The following MBD3L1 variants were observed in gnomAD, a reference collection of about 807,000 sequenced individuals.
MBD3L1 encodes the protein methyl-CpG binding domain protein 3 like 1.
For synonymous variants in MBD3L1, 84 were observed against 85.1 expected, an observed-to-expected ratio of 0.99 and a Z score of 0.07; for missense variants, 203 against 230.1, an observed-to-expected ratio of 0.88 and a Z score of 0.76.
chr19:8,838,517 T>G (rs2044478714), intron 1 of MBD3L1, among the ~76,000 whole-genome samples: 1 of 152,074 alleles, frequency 6.6e-6, no homozygotes, highest in South Asian at 2.1e-4. Flanking sequence ...TGGTGATAAC[T>G]CCTAGATAAG....
chr19:8,843,062 G>A lies in MBD3L1; in HGVS notation c.384G>A (p.Ala128=), dbSNP rs765959320. 5.6e-6 allele frequency: 9 copies of A among 1,613,966 alleles called. No homozygotes were observed. The highest frequency in any genetic ancestry group is 1.7e-5 in the Admixed American group (1 of 59,986). Residue 128 remains alanine (A), a synonymous_variant, in exon 3 of 3, where the codon GCG becomes GCA. Coordinates refer to ENST00000595891, the MANE Select transcript of MBD3L1 (RefSeq NM_001393532.1). ...CCCACCTTGCCTGCTCTTCAGATGCGGTGGAGATAATTCCTGCAGAGGGAG... is the reference window on the plus strand; with the variant it reads ...CCCACCTTGCCTGCTCTTCAGATGCAGTGGAGATAATTCCTGCAGAGGGAG... ...PMPHLACSSD[A]VEIIPAEGVG... is the part of the protein sequence containing the mutation.
intron 1 of MBD3L1, among the ~76,000 whole-genome samples, chr19:8,839,838 T>A (rs149000995): frequency 6.6e-6 from 1 of 152,086 alleles, no homozygotes; most frequent in East Asian, 1.9e-4. Context: ...GAGAGGAGTG[T>A]CTGTGTAGCT....
intron 1 of MBD3L1, among the ~76,000 whole-genome samples, chr19:8,835,197 G>C (rs1043832892): frequency 6.6e-6 from 1 of 152,012 alleles, no homozygotes; most frequent in Admixed American, 6.6e-5. Context: ...GACCACAGGC[G>C]TTCACCACCA....
chr19:8,843,139 T>C lies in MBD3L1; in HGVS notation c.461T>C (p.Ile154Thr), dbSNP rs771336992. The C allele has an allele frequency of 1.7e-5, 28 of 1,613,384 alleles. No individual in the cohort carries two copies. Among genetic ancestry groups the C allele is most frequent in the Non-Finnish European group, 2.0e-5 (24 of 1,179,860 alleles). The change falls in exon 3 of 3, where the codon ATC (isoleucine) becomes ACC (threonine). Residue 154 changes from isoleucine to threonine, a missense_variant. By Grantham distance (89) the Ile-to-Thr change is moderately conservative (BLOSUM62 -1). Transcript: ENST00000595891. ...CAATTTCTGGTTACTGAGGAAGATA[T>C]CAGGAAACAGGAAGGGAAAGTGAAG... is the stretch of plus-strand genomic sequence containing the variant. ...CKQFLVTEED[I>T]RKQEGKVKTV...
chr19:8,836,499 C>CT (rs899808976), intron 1 of MBD3L1, among the ~76,000 whole-genome samples: 42 of 138,666 alleles, frequency 3.0e-4, no homozygotes, highest in African/African-American at 9.5e-4. Flanking sequence ...CTTCTTTTTT[C>CT]TTTTTTTTTG....
At chr19:8,833,992 A>G (rs1438095007) in intron 1 of MBD3L1, among the ~76,000 whole-genome samples, 1 of 104,896 alleles carries the variant, frequency 9.5e-6, no homozygotes, top group Non-Finnish European at 2.4e-5. Context: ...CATCTCAAAA[A>G]ACAAAACAAA....
chr19:8,832,902 C>T (rs1483169262), intron 1 of MBD3L1, among the ~76,000 whole-genome samples: 1 of 151,042 alleles, frequency 6.6e-6, no homozygotes, highest in Non-Finnish European at 1.5e-5. Flanking sequence ...GGGGACTAGG[C>T]TGTGGGTGTA....
intron 1 of MBD3L1, among the ~76,000 whole-genome samples, chr19:8,837,725 T>G (rs1009218842): frequency 6.6e-6 from 1 of 152,222 alleles, no homozygotes; most frequent in African/African-American, 2.4e-5. Context: ...TATACTCTGA[T>G]AGTCACTTCC....
At position 8,842,886 on chromosome 19, in the gene MBD3L1, A is replaced by G. The variant is rs1387371143; in HGVS notation, c.208A>G (p.Arg70Gly). Reference protein sequence around the residue: ...EKPQQVCWQRRLQGLQAYSSA... With the variant: ...EKPQQVCWQRGLQGLQAYSSA... ...GCCTCAGCAGGTCTGCTGGCAGAGG[A>G]GACTGCAGGGACTCCAGGCTTACAG... Residue 70 changes from arginine to glycine, a missense_variant, in exon 3 of 3, where the codon AGA becomes GGA. Coordinates refer to ENST00000595891, the MANE Select transcript of MBD3L1 (RefSeq NM_001393532.1). 2 of 1,614,246 alleles carry G rather than the reference A, an allele frequency of 1.2e-6. No homozygotes were observed. Among genetic ancestry groups the G allele is most frequent in the Non-Finnish European group, 1.7e-6 (2 of 1,180,042 alleles).
intron 1 of MBD3L1, among the ~76,000 whole-genome samples, chr19:8,838,882 T>G (rs1274311203): frequency 1.3e-5 from 2 of 152,078 alleles, no homozygotes; most frequent in African/African-American, 4.8e-5. Flanking sequence ...GCAGATAAGG[T>G]CGTGTTCCTG....
intron 1 of MBD3L1, among the ~76,000 whole-genome samples, chr19:8,839,747 A>G (rs2044491680): frequency 1.3e-5 from 2 of 152,156 alleles, no homozygotes; most frequent in African/African-American, 4.8e-5. Flanking sequence ...ACATAGATGT[A>G]GATGATCTTT....
intron 1 of MBD3L1, among the ~76,000 whole-genome samples, chr19:8,838,679 G>T (rs1264051831): frequency 6.6e-6 from 1 of 152,184 alleles, no homozygotes; most frequent in African/African-American, 2.4e-5. Flanking sequence ...GCTGGGGCTG[G>T]CATTGTTGGT....
chr19:8,838,703 C>T (rs1665559066), intron 1 of MBD3L1, among the ~76,000 whole-genome samples: 2 of 152,086 alleles, frequency 1.3e-5, no homozygotes, highest in East Asian at 3.9e-4. Context: ...AAAATAATTT[C>T]CCAAGACAGT....
At chr19:8,837,705 G>A (rs2044468972) in intron 1 of MBD3L1, among the ~76,000 whole-genome samples, 1 of 152,158 alleles carries the variant, frequency 6.6e-6, no homozygotes, top group Non-Finnish European at 1.5e-5. Context: ...CCTGAGATCT[G>A]AGGATACTTT....
intron 1 of MBD3L1, among the ~76,000 whole-genome samples, chr19:8,835,433 G>A (rs1349964356): frequency 2.6e-5 from 4 of 152,016 alleles, no homozygotes; most frequent in African/African-American, 9.7e-5. Context: ...AAAGATGCTC[G>A]GCCCCATTAA....
At position 8,840,954 on chromosome 19, in the gene MBD3L1, A is replaced by G. The variant is rs952292026; in HGVS notation, c.-67A>G. The G allele has an allele frequency of 6.6e-6, 1 of 152,024 alleles. No homozygotes were observed. The highest frequency in any genetic ancestry group is 1.5e-5 in the Non-Finnish European group (1 of 68,014). 9.4% of individuals were successfully genotyped at this position (152,024 alleles called of 1,614,324 possible). ...TGGTAGCCATGGCGTCACAGAGAAC[A>G]GGGACCTTCCAAGTTTGAAGTTTTA... On this transcript the variant is annotated 5_prime_UTR_variant, in exon 2 of 3. Coordinates refer to ENST00000595891, the MANE Select transcript of MBD3L1 (RefSeq NM_001393532.1).
At chr19:8,832,747 G>A (rs1424504541) in intron 1 of MBD3L1, among the ~76,000 whole-genome samples, 2 of 152,004 alleles carry the variant, frequency 1.3e-5, no homozygotes, top group South Asian at 2.1e-4. Context: ...CTTCTAGAGC[G>A]GGGATGACTG....
intron 1 of MBD3L1, among the ~76,000 whole-genome samples, chr19:8,838,271 A>AAAAAAAAAAAAAAAAAAAAAAAAAC: frequency 6.9e-6 from 1 of 145,712 alleles, no homozygotes; most frequent in Non-Finnish European, 1.5e-5. Context: ...AAAAAAAAAA[A>AAAAAAAAAAAAAAAAAAAAAAAAAC]AAAAAAAAAA....
Position 8,842,896 on chromosome 19 carries a change from G to T in MBD3L1, c.218G>T (p.Gly73Val). ...QQVCWQRRLQ[G>V]LQAYSSAGEL... ...GTCTGCTGGCAGAGGAGACTGCAGG[G>T]ACTCCAGGCTTACAGCAGTGCAGGA... The change falls in exon 3 of 3, where the codon GGA becomes GTA. Residue 73 changes from glycine (G) to valine (V), a missense_variant. Transcript: ENST00000595891. The T allele has an allele frequency of 6.2e-7, 1 of 1,614,220 alleles. No individual in the cohort carries two copies. Among genetic ancestry groups the T allele is most frequent in the Non-Finnish European group, 8.5e-7 (1 of 1,180,044 alleles).
Sources: gnomAD v4.1 joint callset for allele counts (sites outside exome capture counted in the v4.1 genomes callset) on GRCh38, gnomAD v4.1.1 for gene constraint, MANE v1.5 for transcripts, NCBI Gene and HGNC (gene_info 2026-07-23, HGNC 2026-07-21) for gene names.